NR6A1: variants seen among roughly 807,000 people sequenced by gnomAD.
NR6A1 encodes retinoic acid receptor-related testis-associated receptor.
Under a neutral mutation model 59.1 loss-of-function variants are expected in NR6A1, and 7 were observed. The observed-to-expected ratio is 0.12, with a 90% CI of 0.07 to 0.22. NR6A1 has a LOEUF of 0.22. Ranked by LOEUF, NR6A1 falls within the 10% of genes least tolerant of loss-of-function variation. The pLI is 1.00. For missense variants in NR6A1, 468 were observed against 611.6 expected (o/e 0.77, Z 2.48); for synonymous variants, 243 against 236.1 (o/e 1.03, Z -0.27).
chr9:124,610,601 G>A (rs1220704831), intron 2 of NR6A1, among the ~76,000 whole-genome samples: 1 of 152,144 alleles, frequency 6.6e-6, no homozygotes, highest in Non-Finnish European at 1.5e-5. Context: ...GTATCAGGAT[G>A]ATGCTGGCCT....
At chr9:124,677,534 A>T (rs930547377) in intron 2 of NR6A1, among the ~76,000 whole-genome samples, 2 of 151,992 alleles carry the variant, frequency 1.3e-5, no homozygotes, top group African/African-American at 4.8e-5. Context: ...AAGTGCTAGG[A>T]TTACAAGCAT....
At chr9:124,607,935 G>A (rs1012174022) in intron 2 of NR6A1, among the ~76,000 whole-genome samples, 1 of 152,116 alleles carries the variant, frequency 6.6e-6, no homozygotes, top group African/African-American at 2.4e-5. Flanking sequence ...AGTCAGCCAT[G>A]GTGGCAGACA....
intron 1 of NR6A1, among the ~76,000 whole-genome samples, chr9:124,756,678 TA>T (rs1358972938): frequency 5.3e-5 from 8 of 152,228 alleles, no homozygotes; most frequent in African/African-American, 1.9e-4. Flanking sequence ...TGCAGATTTC[TA>T]AAGGAATGCA....
In NR6A1 at chr9:124,670,030, A is replaced by G. The variant is rs552879996; in HGVS notation, c.142+63278T>C. Among the ~76,000 whole-genome samples the G allele has an allele frequency of 4.6e-5, 7 of 152,294 alleles. No homozygotes were observed. The South Asian group carries it at 1.5e-3, about 32-fold the overall frequency. On this transcript the variant is annotated intron_variant, in intron 2 of 9. Coordinates refer to ENST00000487099, the MANE Select transcript of NR6A1 (RefSeq NM_033334.4). The stretch of plus-strand genomic sequence containing the variant: ...GGCCAAGTAGAATAAAGACTTTAAA[A>G]TAAGAAACTTACATACCATTTTTCC...
At chr9:124,537,742 G>A (rs1281029977) in intron 6 of NR6A1, among the ~76,000 whole-genome samples, 1 of 152,128 alleles carries the variant, frequency 6.6e-6, no homozygotes, top group Admixed American at 6.5e-5. Context: ...TTGTGAAGGA[G>A]CCTATATCCG....
intron 1 of NR6A1, among the ~76,000 whole-genome samples, chr9:124,761,225 C>T (rs563130222): frequency 8.5e-5 from 13 of 152,282 alleles, no homozygotes; most frequent in Non-Finnish European, 1.5e-4. Flanking sequence ...AAGCTGCAAT[C>T]CCCACAAAAC....
At chr9:124,710,798 G>A (rs77926238) in intron 2 of NR6A1, among the ~76,000 whole-genome samples, 1 of 152,182 alleles carries the variant, frequency 6.6e-6, no homozygotes, top group Non-Finnish European at 1.5e-5. Context: ...GCACACGTAA[G>A]ATCAGCTGGA....
chr9:124,714,915 A>G (rs1472984647), intron 2 of NR6A1, among the ~76,000 whole-genome samples: 1 of 152,116 alleles, frequency 6.6e-6, no homozygotes. Flanking sequence ...AAGACTCAAC[A>G]TTGGCTGGGC....
rs541375194 is a variant in NR6A1 at position 124,771,067 on chromosome 9, G to A, written c.53C>T (p.Ala18Val). ...PSGGGGGGGS[A>V]GFLEPPAALP... ...CGCGGCGGGAGGCTCCAGGAACCCC[G>A]CCGAGCCCCCGCCGCCTCCCCCTCC... Residue 18 changes from alanine to valine, a missense_variant, in exon 1 of 10, where the codon GCG (alanine) becomes GTG (valine). Physicochemically the swap from Ala to Val is moderately conservative, Grantham distance 64 (BLOSUM62 0). Transcript: ENST00000487099. 1.7e-5 allele frequency: 21 copies of A among 1,230,446 alleles called. No individual in the cohort carries two copies. In the Admixed American group the frequency reaches 7.6e-4, roughly 45 times the overall value. 76.2% of individuals were successfully genotyped at this position (1,230,446 alleles called of 1,614,324 possible). A position where few individuals can be genotyped will look rare whatever the true frequency, so the allele number is the denominator to read the frequency against.
Position 124,519,856 on chromosome 9 carries a change from C to T in NR6A1, c.*2849G>A, listed in dbSNP as rs1408745877. The stretch of plus-strand genomic sequence containing the variant: ...GGCGGAGCTTGCAGTGAGCCAAGAT[C>T]GCACCACTGCACTCCAGCCTGAGCG... On this transcript the variant is annotated 3_prime_UTR_variant, in exon 10 of 10. Transcript: ENST00000487099. 1 of 140,748 alleles carries T rather than the reference C, an allele frequency of 7.1e-6. No individual in the cohort carries two copies. The highest frequency in any genetic ancestry group is 1.5e-5 in the Non-Finnish European group (1 of 66,916). 8.7% of individuals were successfully genotyped at this position (140,748 alleles called of 1,614,324 possible).
intron 7 of NR6A1, among the ~76,000 whole-genome samples, chr9:124,533,429 A>G (rs1833155375): frequency 1.3e-5 from 2 of 152,242 alleles, no homozygotes; most frequent in African/African-American, 4.8e-5. Flanking sequence ...AGTAAGCATC[A>G]TTAATAAGGA....
intron 1 of NR6A1, among the ~76,000 whole-genome samples, chr9:124,741,758 T>C (rs1191671452): frequency 6.6e-6 from 1 of 152,194 alleles, no homozygotes; most frequent in Non-Finnish European, 1.5e-5. Flanking sequence ...TATTTCAGAA[T>C]AGGTTTGAGT....
rs1839197503 is a variant in NR6A1 at position 124,708,644 on chromosome 9, GT to G, written c.142+24663del. ...AAGCAACAGCCCAAAACTGTAAAGAGTTATTTTCAATTCTCTCTTCCCAAAA... is the reference window on the plus strand; with the variant it reads ...AAGCAACAGCCCAAAACTGTAAAGAGTATTTTCAATTCTCTCTTCCCAAAA... On this transcript the variant is annotated intron_variant, in intron 2 of 9. Coordinates refer to ENST00000487099, the MANE Select transcript of NR6A1 (RefSeq NM_033334.4). Among the ~76,000 whole-genome samples, 8 of 152,324 alleles carry G rather than the reference GT, an allele frequency of 5.3e-5. 1 individual carries two copies. The South Asian group carries it at 1.5e-3, about 28-fold the overall frequency.
chr9:124,552,819 T>TA (rs1246830798), intron 3 of NR6A1, among the ~76,000 whole-genome samples: 1 of 152,132 alleles, frequency 6.6e-6, no homozygotes, highest in African/African-American at 2.4e-5. Context: ...ATAAACCACC[T>TA]AAATTTATCT....
At chr9:124,592,015 G>A (rs1835137981) in intron 2 of NR6A1, among the ~76,000 whole-genome samples, 1 of 152,178 alleles carries the variant, frequency 6.6e-6, no homozygotes, top group Non-Finnish European at 1.5e-5. Context: ...CCAGTAGCAG[G>A]GGAACAGAAA....
At chr9:124,665,887 T>C (rs368113959) in intron 2 of NR6A1, among the ~76,000 whole-genome samples, 17 of 152,212 alleles carry the variant, frequency 1.1e-4, no homozygotes, top group African/African-American at 1.9e-4. Context: ...CCTCTTCCAA[T>C]TGGAATTTAC....
intron 2 of NR6A1, among the ~76,000 whole-genome samples, chr9:124,597,896 G>A (rs1835323725): frequency 6.6e-6 from 1 of 152,114 alleles, no homozygotes; most frequent in South Asian, 2.1e-4. Context: ...AAGCTGGAGT[G>A]CAGTGGTGCA....
intron 2 of NR6A1, among the ~76,000 whole-genome samples, chr9:124,658,041 G>A (rs1471152674): frequency 2.0e-5 from 3 of 152,096 alleles, no homozygotes; most frequent in Admixed American, 6.6e-5. Flanking sequence ...TCAAATAATT[G>A]GTTTCAGTTA....
chr9:124,604,682 C>T (rs1444559731), intron 2 of NR6A1, among the ~76,000 whole-genome samples: 2 of 152,000 alleles, frequency 1.3e-5, no homozygotes, highest in East Asian at 1.9e-4. Context: ...TGGTGGTGCA[C>T]GCCTGTGGTC....
Sources: allele counts gnomAD v4.1 joint callset (sites outside exome capture counted in the v4.1 genomes callset), GRCh38; gene constraint gnomAD v4.1.1; transcripts MANE v1.5; gene names NCBI Gene and HGNC (gene_info 2026-07-23, HGNC 2026-07-21).